AGBL1: variants seen among roughly 807,000 people sequenced by gnomAD.
AGBL1 encodes cytosolic carboxypeptidase 4.
AGBL1 carries 130 observed loss-of-function variants against 118.9 expected under a neutral mutation model. The observed-to-expected ratio is 1.09, with a 90% CI of 0.95 to 1.26. The LOEUF (loss-of-function observed/expected upper bound fraction) is 1.26. Among genes scored for constraint, AGBL1 ranks in the 50% most tolerant of loss-of-function variants. The pLI is 0.00. For synonymous variants in AGBL1, 555 were observed against 478.9 expected (o/e 1.16, Z -2.08); for missense variants, 1,584 against 1,298.1 (o/e 1.22, Z -3.38).
intron 22 of AGBL1, among the ~76,000 whole-genome samples, chr15:86,684,811 A>G (rs1372327191): frequency 1.3e-5 from 2 of 152,180 alleles, no homozygotes; most frequent in South Asian, 4.1e-4. Flanking sequence ...TCTCAAAGGT[A>G]CAGCTACTGA....
At position 86,564,153 on chromosome 15, in the gene AGBL1, G is replaced by C. The variant is rs979709457; in HGVS notation, c.2994+9616G>C. Among the ~76,000 whole-genome samples, 6 of 152,154 alleles carry C rather than the reference G, an allele frequency of 3.9e-5. No homozygotes were observed. The East Asian group carries it at 1.2e-3, about 29-fold the overall frequency. On this transcript the variant is annotated intron_variant, in intron 21 of 22. Coordinates refer to ENST00000614907, the MANE Select transcript of AGBL1 (RefSeq NM_001386094.1). ...ATATTTAAGGTTAATATTGTTAGGT[G>C]TGAATTTGATCCTGTCATTATAATG... is the stretch of plus-strand genomic sequence containing the variant.
chr15:86,917,996 T>C (rs913714346), downstream of AGBL1, among the ~76,000 whole-genome samples: 3 of 152,194 alleles, frequency 2.0e-5, no homozygotes, highest in Admixed American at 6.5e-5. This position sits in a 1 kb window ranked among gnomAD's most constrained non-coding sequence, Gnocchi z 4.8. Flanking sequence ...TCTCATTATA[T>C]TTTGCATAGA....
intron 17 of AGBL1, among the ~76,000 whole-genome samples, chr15:86,336,308 A>G (rs4887433): frequency 0.51 from 77,783 of 152,062 alleles, 20,584 homozygotes; most frequent in Middle Eastern, 0.59. Flanking sequence ...GCAAGTCTTG[A>G]ACATGCTTCA....
intron 22 of AGBL1, among the ~76,000 whole-genome samples, chr15:86,696,627 T>C (rs973823757): frequency 6.6e-6 from 1 of 151,968 alleles, no homozygotes; most frequent in Non-Finnish European, 1.5e-5. Context: ...ATTCCGTTCA[T>C]TGGGCTATTT....
At chr15:86,279,546 G>C in intron 15 of AGBL1, 93 bp from the exon 16 acceptor site, 1 of 1,259,546 alleles carries the variant, frequency 7.9e-7, no homozygotes, top group Non-Finnish European at 1.1e-6. Context: ...AGTATATAAC[G>C]CACAAGATTT....
chr15:86,554,194 G>C lies in AGBL1; in HGVS notation c.2818-167G>C, dbSNP rs78546709. 3.7e-3 allele frequency among the ~76,000 whole-genome samples: 569 copies of C among 152,184 alleles called. 24 individuals carry two copies. In the East Asian group the frequency reaches 0.095, roughly 25 times the overall value. On this transcript the variant is annotated intron_variant, in intron 20 of 22. Transcript: ENST00000614907. The stretch of plus-strand genomic sequence containing the variant: ...CTTTTCTAAGCCTGTTTCCTCATCT[G>C]CAAAATGATTTTTAAAAAGTGATAG...
At chr15:86,639,065 A>G (rs2085150497) in intron 21 of AGBL1, among the ~76,000 whole-genome samples, 1 of 152,204 alleles carries the variant, frequency 6.6e-6, no homozygotes, top group Non-Finnish European at 1.5e-5. Context: ...CCATCTAGGC[A>G]AGCGAGAAGG....
intron 17 of AGBL1, among the ~76,000 whole-genome samples, chr15:86,327,803 G>T (rs1202025838): frequency 6.6e-6 from 1 of 152,226 alleles, no homozygotes; most frequent in Middle Eastern, 3.4e-3. Flanking sequence ...ACTTGCTGAT[G>T]GAAAAAGCAC....
At chr15:86,142,850 T>TA (rs1407633488) in intron 2 of AGBL1, among the ~76,000 whole-genome samples, 1 of 152,218 alleles carries the variant, frequency 6.6e-6, no homozygotes, top group Non-Finnish European at 1.5e-5. Flanking sequence ...CTGAAACTCT[T>TA]AAGACAAAAC....
chr15:86,118,693 T>C (rs918450747), intron 1 of AGBL1, among the ~76,000 whole-genome samples: 1 of 151,842 alleles, frequency 6.6e-6, no homozygotes, highest in Non-Finnish European at 1.5e-5. Context: ...GAAATAGGAG[T>C]TCTTCTCTTG....
chr15:86,922,159 A>G (rs1383856407), intron 23 of AGBL1, among the ~76,000 whole-genome samples: 3 of 152,244 alleles, frequency 2.0e-5, no homozygotes, highest in African/African-American at 2.4e-5. Flanking sequence ...TAAATATGAA[A>G]CAAAGTTGAT....
chr15:86,663,668 G>A (rs1157370102), intron 21 of AGBL1, among the ~76,000 whole-genome samples: 1 of 152,050 alleles, frequency 6.6e-6, no homozygotes, highest in African/African-American at 2.4e-5. Context: ...AGGGAATCTG[G>A]AAAGGTAGAA....
intron 22 of AGBL1, among the ~76,000 whole-genome samples, chr15:86,902,890 C>CT (rs1442611198): frequency 6.6e-6 from 1 of 152,118 alleles, no homozygotes; most frequent in African/African-American, 2.4e-5. Context: ...GCCTTGATTT[C>CT]TTTGGCTTTA....
Position 86,939,986 on chromosome 15 carries a change from A to G in AGBL1, c.3222-48001A>G, listed in dbSNP as rs546611514. Among the ~76,000 whole-genome samples the G allele has an allele frequency of 3.5e-3, 529 of 151,274 alleles. 3 individuals carry two copies. The highest frequency in any genetic ancestry group is 6.9e-3 in the Middle Eastern group (2 of 288). ...AGCCTTGACCTCCCAGGCTCAAGCAATCCTCCCACCTCAGCCTCCCTAGTA... is the reference window on the plus strand; with the variant it reads ...AGCCTTGACCTCCCAGGCTCAAGCAGTCCTCCCACCTCAGCCTCCCTAGTA... On this transcript the variant is annotated intron_variant, in intron 23 of 24. Coordinates refer to the AGBL1 transcript ENST00000441037.
chr15:86,768,344 A>G (rs1393101888), intron 22 of AGBL1, among the ~76,000 whole-genome samples: 2 of 152,140 alleles, frequency 1.3e-5, no homozygotes, highest in South Asian at 2.1e-4. Context: ...TAACATACTC[A>G]TAACAACACA....
At position 86,840,362 on chromosome 15, in the gene AGBL1, C is replaced by G. The variant is rs529621264; in HGVS notation, c.3159-66725C>G. 7.2e-5 allele frequency among the ~76,000 whole-genome samples: 11 copies of G among 152,286 alleles called. No homozygotes were observed. In the South Asian group the frequency reaches 2.1e-3, roughly 29 times the overall value. The stretch of plus-strand genomic sequence containing the variant: ...GTATTCTTATTGCTCCAAGATGACA[C>G]TGTGTGGAAATTGGACCAAGCTTAA... On this transcript the variant is annotated intron_variant, in intron 22 of 22. Transcript: ENST00000614907.
intron 18 of AGBL1, among the ~76,000 whole-genome samples, chr15:86,481,396 C>G (rs1355447641): frequency 6.6e-6 from 1 of 152,110 alleles, no homozygotes; most frequent in Non-Finnish European, 1.5e-5. Context: ...ATCCCATGCT[C>G]TTACTACTGC....
intron 21 of AGBL1, among the ~76,000 whole-genome samples, chr15:86,653,142 C>T (rs186389799): frequency 9.2e-5 from 13 of 141,808 alleles, no homozygotes; most frequent in Admixed American, 8.9e-4. Flanking sequence ...TTGCACCGTC[C>T]TTCCATAACC....
At chr15:86,902,500 T>G (rs2080225162) in intron 22 of AGBL1, among the ~76,000 whole-genome samples, 1 of 152,176 alleles carries the variant, frequency 6.6e-6, no homozygotes, top group Non-Finnish European at 1.5e-5. Flanking sequence ...TTTTACTCTT[T>G]TGTTGCTTTT....
Sources: allele counts gnomAD v4.1 joint callset (sites outside exome capture counted in the v4.1 genomes callset), GRCh38; gene constraint gnomAD v4.1.1; non-coding constraint Gnocchi (gnomAD v3.1); transcripts MANE v1.5; gene names NCBI Gene and HGNC (gene_info 2026-07-23, HGNC 2026-07-21).